SYT10: variants seen among roughly 807,000 people sequenced by gnomAD.
SYT10 encodes the protein synaptotagmin-10.
A neutral mutation model predicts 51.1 loss-of-function variants in SYT10; 31 were observed. The ratio of observed to expected loss-of-function variants is 0.61; its 90% confidence interval spans 0.46 to 0.82. The LOEUF (loss-of-function observed/expected upper bound fraction) is 0.82. Among genes scored for constraint, SYT10 ranks in the 40% least tolerant of loss-of-function variants. SYT10 has a pLI of 0.00. For missense variants in SYT10, 603 were observed against 634.0 expected (o/e 0.95, Z 0.53); for synonymous variants, 233 against 225.9 (o/e 1.03, Z -0.28).
At chr12:33,404,260 A>G (rs1866332313) in intron 3 of SYT10, among the ~76,000 whole-genome samples, 1 of 152,218 alleles carries the variant, frequency 6.6e-6, no homozygotes, top group African/African-American at 2.4e-5. Context: ...AAGGCAATGA[A>G]TGCCTGTGGC....
rs1866068141 is a variant in SYT10 at position 33,376,913 on chromosome 12, A to T, written c.1501-12T>A. 1.2e-6 allele frequency: 2 copies of T among 1,613,838 alleles called. No homozygotes were observed. Among genetic ancestry groups the T allele is most frequent in the Non-Finnish European group, 8.5e-7 (1 of 1,179,884 alleles). ...GCCCGGCCAGGTAACTGAAAGACAA[A>T]AATTTCATAATGTATGATCTAGTAC... is the stretch of plus-strand genomic sequence containing the variant. On this transcript the variant is annotated splice_polypyrimidine_tract_variant and intron_variant, in intron 6 of 6. Coordinates refer to ENST00000228567, the MANE Select transcript of SYT10 (RefSeq NM_198992.4).
In SYT10 at chr12:33,439,645, G is replaced by A; in HGVS notation, c.-123C>T. ...CCCGCGGTGACTTTGGCTGGAGATT[G>A]CGCCGCTGAGAGCCGGCAACTCTTA... On this transcript the variant is annotated 5_prime_UTR_variant, in exon 1 of 7. Transcript: ENST00000228567. 1 of 1,238,968 alleles carries A rather than the reference G, an allele frequency of 8.1e-7. No homozygotes were observed. Among genetic ancestry groups the A allele is most frequent in the South Asian group, 1.5e-5 (1 of 67,324 alleles). 76.7% of individuals were successfully genotyped at this position (1,238,968 alleles called of 1,614,324 possible).
At chr12:33,405,740 AC>A (rs1866346657) in intron 3 of SYT10, 1 of 152,028 alleles carries the variant, frequency 6.6e-6, no homozygotes, top group African/African-American at 2.4e-5. Flanking sequence ...ATATGTAAAA[AC>A]AACCTGATGG....
chr12:33,425,008 C>T (rs1331786475), intron 2 of SYT10, among the ~76,000 whole-genome samples: 1 of 151,994 alleles, frequency 6.6e-6, no homozygotes, highest in Non-Finnish European at 1.5e-5. Context: ...TTACTTATCC[C>T]TCTGGAATAC....
chr12:33,385,438 C>A, intron 3 of SYT10, 147 bp from the exon 4 acceptor site: 1 of 1,187,304 alleles, frequency 8.4e-7, no homozygotes, highest in Admixed American at 2.9e-5. Context: ...ATTCTGAATG[C>A]AGTAAGCAAA....
chr12:33,403,818 A>G (rs1391855923), intron 3 of SYT10, among the ~76,000 whole-genome samples: 2 of 152,074 alleles, frequency 1.3e-5, no homozygotes, highest in African/African-American at 2.4e-5. Flanking sequence ...TAATAAGAAG[A>G]TGTAACATTG....
At chr12:33,422,843 T>G (rs1866517212) in intron 2 of SYT10, among the ~76,000 whole-genome samples, 1 of 152,090 alleles carries the variant, frequency 6.6e-6, no homozygotes, top group Admixed American at 6.6e-5. Context: ...TTCCTTATAT[T>G]GGTATTACAT....
chr12:33,396,550 T>C (rs1354320612), intron 3 of SYT10, among the ~76,000 whole-genome samples: 1 of 152,188 alleles, frequency 6.6e-6, no homozygotes, highest in East Asian at 1.9e-4. Flanking sequence ...CATAAAAATA[T>C]GTTTTGGAAC....
rs1401089626 is a variant in SYT10 at position 33,376,489 on chromosome 12, TAGC to T, written c.*338_*340del. ...ATATGACATGTGCTACTTTATACAA[TAGC>T]AGCATAAACTATATTTAATTTTAGG... On this transcript the variant is annotated 3_prime_UTR_variant, in exon 7 of 7. Transcript: ENST00000228567. The T allele has an allele frequency of 1.2e-5, 3 of 254,264 alleles. No homozygotes were observed. The East Asian group carries it at 2.4e-4, about 20-fold the overall frequency. The allele number at this position is 254,264 out of a possible 1,614,324, so 15.8% of individuals were successfully genotyped here.
At chr12:33,439,136 C>A (rs1334001519) in intron 1 of SYT10, among the ~76,000 whole-genome samples, 2 of 152,168 alleles carry the variant, frequency 1.3e-5, no homozygotes, top group Admixed American at 6.5e-5. Context: ...CGCCGGGAGG[C>A]GGGAAGCGGA....
intron 5 of SYT10, among the ~76,000 whole-genome samples, chr12:33,380,668 G>T (rs1341076283): frequency 6.6e-6 from 1 of 152,246 alleles, no homozygotes; most frequent in African/African-American, 2.4e-5. Flanking sequence ...CCATGACCAT[G>T]AATATCATTA....
intron 2 of SYT10, chr12:33,423,935 C>T (rs1866526825): frequency 2.2e-6 from 1 of 455,696 alleles, no homozygotes. Context: ...GAAGGATTAT[C>T]AGGAAGGGTG....
chr12:33,437,934 A>G lies in SYT10; in HGVS notation c.151+1438T>C, dbSNP rs115231622. ...AAATGATTCTCAGTTGTGTTTATAC[A>G]CTGAGAAAATTTTAAAGTTTCCCTA... On this transcript the variant is annotated intron_variant, in intron 1 of 6. Coordinates refer to ENST00000228567, the MANE Select transcript of SYT10 (RefSeq NM_198992.4). Among the ~76,000 whole-genome samples, 433 of 152,132 alleles carry G rather than the reference A, an allele frequency of 2.8e-3. 2 individuals are homozygous for G. Among genetic ancestry groups the G allele is most frequent in the African/African-American group, 1.0e-2 (414 of 41,522 alleles).
intron 5 of SYT10, among the ~76,000 whole-genome samples, chr12:33,381,295 C>T (rs1170057481): frequency 6.6e-6 from 1 of 151,984 alleles, no homozygotes; most frequent in African/African-American, 2.4e-5. Context: ...AGTGTTTCCC[C>T]CCCTAGCTCT....
At chr12:33,396,737 G>T (rs1277588427) in intron 3 of SYT10, among the ~76,000 whole-genome samples, 5 of 150,576 alleles carry the variant, frequency 3.3e-5, no homozygotes, top group Admixed American at 6.6e-5. Context: ...AGGCTGGAGT[G>T]CAGTGGCGCG....
At chr12:33,383,248 T>C (rs1866130927) in intron 4 of SYT10, among the ~76,000 whole-genome samples, 1 of 152,196 alleles carries the variant, frequency 6.6e-6, no homozygotes, top group African/African-American at 2.4e-5. Flanking sequence ...ATACTGACAT[T>C]GGGTTGAGTA....
At chr12:33,420,873 A>G (rs1866497078) in intron 2 of SYT10, among the ~76,000 whole-genome samples, 1 of 152,168 alleles carries the variant, frequency 6.6e-6, no homozygotes, top group Admixed American at 6.5e-5. Context: ...TTTCCTGCAA[A>G]GCATGTTTTA....
chr12:33,379,876 C>T lies in SYT10; in HGVS notation c.1456G>A (p.Ala486Thr). Residue 486 changes from alanine (A) to threonine (T), a missense_variant, in exon 6 of 7, where the codon GCC (alanine) becomes ACC (threonine). By Grantham distance (58) the Ala-to-Thr change is moderately conservative (BLOSUM62 0). Transcript: ENST00000228567. The stretch of plus-strand genomic sequence containing the variant: ...TGCGTTATTGGTTTTCGATGATAGG[C>T]CAGCATTTCATTCCAGTGGTCTCGC... ...LGRDHWNEML[A>T]YHRKPITHWH... 1.9e-6 allele frequency: 3 copies of T among 1,613,954 alleles called. No individual in the cohort carries two copies. The highest frequency in any genetic ancestry group is 2.5e-6 in the Non-Finnish European group (3 of 1,179,940).
chr12:33,381,674 G>A (rs1866116497), intron 5 of SYT10, among the ~76,000 whole-genome samples: 1 of 152,112 alleles, frequency 6.6e-6, no homozygotes, highest in Non-Finnish European at 1.5e-5. Flanking sequence ...GGACAGTCCA[G>A]GCAACGGGGA....
Sources: gnomAD v4.1 joint callset for allele counts (sites outside exome capture counted in the v4.1 genomes callset) on GRCh38, gnomAD v4.1.1 for gene constraint, MANE v1.5 for transcripts, NCBI Gene and HGNC (gene_info 2026-07-23, HGNC 2026-07-21) for gene names.